LGR6: variants seen among roughly 807,000 people sequenced by gnomAD.
LGR6 encodes leucine-rich repeat-containing G protein-coupled receptor 6.
A neutral mutation model predicts 69.4 loss-of-function variants in LGR6; 45 were observed. The observed-to-expected ratio is 0.65, with a 90% CI of 0.51 to 0.83. The LOEUF is 0.83. Ranked by LOEUF, LGR6 falls within the 40% of genes least tolerant of loss-of-function variation. LGR6 has a pLI of 0.00. For missense variants in LGR6, 1,108 were observed against 1,246.7 expected (o/e 0.89, Z 1.68); for synonymous variants, 538 against 555.0 (o/e 0.97, Z 0.43).
At chr1:202,214,286 C>G (rs1659610025) in intron 1 of LGR6, 2 of 1,486,972 alleles carry the variant, frequency 1.3e-6, no homozygotes, top group Non-Finnish European at 1.8e-6. Context: ...CACAGGTCCT[C>G]CGCAGCCCTG....
Position 202,276,474 on chromosome 1 carries a change from C to T in LGR6, c.597C>T (p.Ser199=). ...QAMTLALNRI[S]HIPDYAFQNL... The stretch of plus-strand genomic sequence containing the variant: ...TGACCCTGGCCCTCAACCGCATCAG[C>T]CACATCCCCGACTACGCGTTCCAGA... The change falls in exon 5 of 18, where the codon AGC becomes AGT. Residue 199 remains serine, a synonymous_variant. Transcript: ENST00000367278. 3 of 1,614,214 alleles carry T rather than the reference C, an allele frequency of 1.9e-6. No homozygotes were observed. The highest frequency in any genetic ancestry group is 2.5e-6 in the Non-Finnish European group (3 of 1,180,016).
At chr1:202,243,536 A>T (rs1223893768) in intron 4 of LGR6, among the ~76,000 whole-genome samples, 1 of 152,180 alleles carries the variant, frequency 6.6e-6, no homozygotes, top group Non-Finnish European at 1.5e-5. Flanking sequence ...CCTTGTGAGG[A>T]GTAGCAATGC....
At chr1:202,232,926 A>G (rs1297758213) in intron 3 of LGR6, among the ~76,000 whole-genome samples, 7 of 152,064 alleles carry the variant, frequency 4.6e-5, no homozygotes, top group Non-Finnish European at 7.4e-5. Flanking sequence ...TTTCCTTCCA[A>G]CCTTTATAAC....
At chr1:202,261,200 A>G (rs1029712091) in intron 4 of LGR6, among the ~76,000 whole-genome samples, 34 of 151,892 alleles carry the variant, frequency 2.2e-4, no homozygotes, top group African/African-American at 8.0e-4. Context: ...GTCATTTAGC[A>G]TTAGGTATAT....
At chr1:202,228,094 T>A in intron 3 of LGR6, 87 bp downstream of exon 3, 1 of 849,502 alleles carries the variant, frequency 1.2e-6, no homozygotes, top group Non-Finnish European at 1.9e-6. Context: ...AGTCTTGGTT[T>A]ACCACTGACT....
chr1:202,238,302 A>G (rs376285012), intron 4 of LGR6, among the ~76,000 whole-genome samples: 1 of 150,790 alleles, frequency 6.6e-6, no homozygotes, highest in African/African-American at 2.4e-5. Flanking sequence ...TGGTTTTGCC[A>G]TGTTGTCCAG....
chr1:202,245,366 C>T (rs1662567396), intron 4 of LGR6, among the ~76,000 whole-genome samples: 1 of 152,136 alleles, frequency 6.6e-6, no homozygotes, highest in African/African-American at 2.4e-5. Flanking sequence ...AATTTGGCTC[C>T]TGAGAGATGC....
chr1:202,314,373 G>C (rs705769), intron 16 of LGR6, among the ~76,000 whole-genome samples: 91,812 of 152,038 alleles, frequency 0.6, 28,330 homozygotes, highest in East Asian at 0.75. Context: ...TAAACACACT[G>C]CAGCTCACTG....
rs144877858 is a variant in LGR6, at chr1:202,236,042, G to A, written c.428+49G>A. On this transcript the variant is annotated intron_variant, in intron 4 of 17. Coordinates refer to ENST00000367278, the MANE Select transcript of LGR6 (RefSeq NM_001017403.2). ...GGGAGTCACCAGCTTCCTGGGGCCT[G>A]AGTCACAGCCCAGGGCCCCCTGCCT... 5,330 of 1,515,072 alleles carry A rather than the reference G, an allele frequency of 3.5e-3. 17 individuals are homozygous for A. The highest frequency in any genetic ancestry group is 4.3e-3 in the Non-Finnish European group (4,710 of 1,092,304). 93.9% of individuals were successfully genotyped at this position (1,515,072 alleles called of 1,614,324 possible). A position where few individuals can be genotyped will look rare whatever the true frequency, so the allele number is the denominator to read the frequency against.
At chr1:202,267,430 G>A (rs763970675) in intron 4 of LGR6, among the ~76,000 whole-genome samples, 1 of 152,170 alleles carries the variant, frequency 6.6e-6, no homozygotes, top group Non-Finnish European at 1.5e-5. Context: ...GCCTCGGCTA[G>A]GAGTGTACTC....
In LGR6 at chr1:202,318,739, G is replaced by C; in HGVS notation, c.2436G>C (p.Leu812=). 10 of 1,613,506 alleles carry C rather than the reference G, an allele frequency of 6.2e-6. No individual in the cohort carries two copies. Among genetic ancestry groups the C allele is most frequent in the Non-Finnish European group, 7.6e-6 (9 of 1,180,012 alleles). Residue 812 remains leucine, a synonymous_variant, in exon 18 of 18, where the codon CTG becomes CTC. Transcript: ENST00000367278. ...PVTPEAVKSV[L]LVVLPLPACL... ...CGCCCGAGGCCGTCAAGTCTGTCCT[G>C]CTGGTGGTGCTGCCCCTGCCTGCCT...
intron 4 of LGR6, among the ~76,000 whole-genome samples, chr1:202,259,900 G>A (rs904657288): frequency 1.3e-5 from 2 of 152,258 alleles, no homozygotes; most frequent in African/African-American, 4.8e-5. Context: ...TGTGCCTCCC[G>A]GCTGTCAGCA....
intron 4 of LGR6, among the ~76,000 whole-genome samples, chr1:202,258,128 A>G (rs1489676506): frequency 6.6e-6 from 1 of 152,076 alleles, no homozygotes; most frequent in East Asian, 1.9e-4. Context: ...TTGCAAGTGT[A>G]CAGAAATCCA....
At chr1:202,227,154 C>T (rs1660618491) in intron 2 of LGR6, among the ~76,000 whole-genome samples, 1 of 152,024 alleles carries the variant, frequency 6.6e-6, no homozygotes, top group Non-Finnish European at 1.5e-5. Flanking sequence ...AATAAAGGGA[C>T]TTTTATTAGA....
chr1:202,319,373 C>A lies in LGR6; in HGVS notation c.*166C>A, dbSNP rs527347373. ...ATCACCTCTCTCCTGTGACCATCACCAACGGGTGCCTCTTGGCCTGGCTTT... is the reference window on the plus strand; with the variant it reads ...ATCACCTCTCTCCTGTGACCATCACAAACGGGTGCCTCTTGGCCTGGCTTT... On this transcript the variant is annotated 3_prime_UTR_variant, in exon 18 of 18. Transcript: ENST00000367278. 5.9e-6 allele frequency: 4 copies of A among 683,442 alleles called. No individual in the cohort carries two copies. The highest frequency in any genetic ancestry group is 3.0e-5 in the East Asian group (1 of 33,260). 42.3% of individuals were successfully genotyped at this position (683,442 alleles called of 1,614,324 possible).
intron 6 of LGR6, 97 bp downstream of exon 6, chr1:202,280,949 C>G: frequency 8.8e-7 from 1 of 1,136,098 alleles, no homozygotes; most frequent in Non-Finnish European, 1.3e-6. Flanking sequence ...AGCCAGCAGT[C>G]CTGGGATGCT....
At chr1:202,225,385 G>A (rs1182131222) in intron 1 of LGR6, 38 bp from the exon 2 acceptor site, 9 of 1,589,618 alleles carry the variant, frequency 5.7e-6, no homozygotes, top group Non-Finnish European at 7.8e-6. Context: ...GCCCAAGTGG[G>A]GAGTTCACAG....
Position 202,268,608 on chromosome 1 carries a change from G to C in LGR6, c.429-7698G>C, listed in dbSNP as rs1297481257. Among the ~76,000 whole-genome samples, 1 of 152,154 alleles carries C rather than the reference G, an allele frequency of 6.6e-6. No homozygotes were observed. Among genetic ancestry groups the C allele is most frequent in the Non-Finnish European group, 1.5e-5 (1 of 68,032 alleles). ...GAAAGTCAGCTATGTAGCCAAGTAGGGGTGGGGGGTTCAGAGATGAAAACC... is the reference window on the plus strand; with the variant it reads ...GAAAGTCAGCTATGTAGCCAAGTAGCGGTGGGGGGTTCAGAGATGAAAACC... On this transcript the variant is annotated intron_variant, in intron 4 of 17. Coordinates refer to ENST00000367278, the MANE Select transcript of LGR6 (RefSeq NM_001017403.2). This position sits in a 1 kb window ranked among gnomAD's most constrained non-coding sequence, Gnocchi z 4.4.
chr1:202,205,263 T>C (rs1400778826), intron 1 of LGR6, among the ~76,000 whole-genome samples: 6 of 21,390 alleles, frequency 2.8e-4, no homozygotes, highest in African/African-American at 1.1e-3. Context: ...CACACACACC[T>C]CCAAACACAC....
Sources: gnomAD v4.1 joint callset for allele counts (sites outside exome capture counted in the v4.1 genomes callset) on GRCh38, gnomAD v4.1.1 for gene constraint, Gnocchi (gnomAD v3.1) non-coding constraint, MANE v1.5 for transcripts, NCBI Gene and HGNC (gene_info 2026-07-23, HGNC 2026-07-21) for gene names.